The following SLC22A24 variants were observed in gnomAD, a reference collection of about 807,000 sequenced individuals.
SLC22A24 encodes the protein steroid transmembrane transporter SLC22A24.
A neutral mutation model predicts 49.8 loss-of-function variants in SLC22A24; 53 were observed. That is an observed-to-expected ratio of 1.06 (90% CI 0.85 to 1.34). The LOEUF is 1.34. SLC22A24 is among the 40% of genes most tolerant of loss of function. The probability of loss-of-function intolerance (pLI) is 0.00; values close to 1 mark genes in which losing one functional copy is unlikely to be tolerated. For missense variants in SLC22A24, 786 were observed against 675.9 expected (o/e 1.16, Z -1.81); for synonymous variants, 302 against 256.4 (o/e 1.18, Z -1.70).
chr11:63,118,827 C>T (rs183423935), intron 4 of SLC22A24, 85 bp downstream of exon 4: 57 of 1,418,644 alleles, frequency 4.0e-5, no homozygotes, highest in Admixed American at 1.2e-4. Context: ...GGCCAGAGAC[C>T]GAACAGATCC....
intron 5 of SLC22A24, among the ~76,000 whole-genome samples, chr11:63,098,878 G>C (rs1225801688): frequency 1.3e-5 from 2 of 151,848 alleles, no homozygotes; most frequent in Non-Finnish European, 2.9e-5. Flanking sequence ...AAACTTCTAG[G>C]CTAAGAAAAA....
chr11:63,126,826 A>T (rs776493701), intron 2 of SLC22A24, among the ~76,000 whole-genome samples: 2 of 151,952 alleles, frequency 1.3e-5, no homozygotes, highest in Non-Finnish European at 2.9e-5. Flanking sequence ...GTGTCCTCCC[A>T]TTTCTTTGAG....
At chr11:63,125,707 T>C (rs769196042) in intron 2 of SLC22A24, among the ~76,000 whole-genome samples, 4 of 152,322 alleles carry the variant, frequency 2.6e-5, no homozygotes, top group South Asian at 2.1e-4. Context: ...ATATTTCTGG[T>C]TCTAGATCCT....
chr11:63,121,614 A>G (rs998997635), intron 2 of SLC22A24, among the ~76,000 whole-genome samples: 1 of 152,064 alleles, frequency 6.6e-6, no homozygotes, highest in Non-Finnish European at 1.5e-5. Context: ...TGCTTTAAAA[A>G]ATTTTTTATT....
intron 2 of SLC22A24, among the ~76,000 whole-genome samples, chr11:63,129,853 C>T (rs2087320970): frequency 6.6e-6 from 1 of 152,166 alleles, no homozygotes; most frequent in Admixed American, 6.5e-5. Context: ...GCTAAAGTTG[C>T]TTATCAGCTT....
intron 4 of SLC22A24, among the ~76,000 whole-genome samples, chr11:63,105,540 G>A (rs1276252738): frequency 6.6e-6 from 1 of 152,214 alleles, no homozygotes; most frequent in African/African-American, 2.4e-5. Flanking sequence ...AAGCTGCCAA[G>A]GCTTGGGGCT....
At chr11:63,102,766 T>G (rs1480255265) in intron 5 of SLC22A24, among the ~76,000 whole-genome samples, 1 of 152,104 alleles carries the variant, frequency 6.6e-6, no homozygotes, top group Non-Finnish European at 1.5e-5. Context: ...CCAAATTGCT[T>G]TCATTTTCCA....
chr11:63,091,080 C>T (rs2087017730), intron 6 of SLC22A24, among the ~76,000 whole-genome samples: 1 of 150,426 alleles, frequency 6.6e-6, no homozygotes, highest in Middle Eastern at 3.4e-3. Flanking sequence ...GGTATCACCA[C>T]TGATCCCACA....
chr11:63,084,599 AG>A (rs1214589746), intron 6 of SLC22A24, among the ~76,000 whole-genome samples: 2 of 152,132 alleles, frequency 1.3e-5, no homozygotes, highest in East Asian at 3.9e-4. Context: ...ATTTACATAA[AG>A]GCACCCAGGG....
chr11:63,095,784 A>G (rs1185291432), intron 6 of SLC22A24, among the ~76,000 whole-genome samples: 1 of 152,234 alleles, frequency 6.6e-6, no homozygotes, highest in East Asian at 1.9e-4. Flanking sequence ...TGATGCTGAT[A>G]AGTTTTAACT....
chr11:63,108,130 G>A (rs761153057), intron 4 of SLC22A24, among the ~76,000 whole-genome samples: 7 of 152,140 alleles, frequency 4.6e-5, no homozygotes, highest in Admixed American at 2.0e-4. Flanking sequence ...TCTATTGAGA[G>A]TTTTTCGCAT....
rs761433037 is a variant in SLC22A24, at chr11:63,083,266, A to G, written c.1262T>C (p.Leu421Pro). ...ACCTTGGGGCAAAAAGGTGTTGACCAGAATGAAAAGTCCCACCGGGAACGT... is the reference window on the plus strand; with the variant it reads ...ACCTTGGGGCAAAAAGGTGTTGACCGGAATGAAAAGTCCCACCGGGAACGT... ...LFTFPVGLFI[L>P]VNTFLPQEMQ... The change falls in exon 7 of 10, where the codon CTG becomes CCG. Residue 421 changes from leucine to proline, a missense_variant. Leu to Pro is a moderately conservative substitution (Grantham distance 98, BLOSUM62 -3). Transcript: ENST00000612278. 2 of 1,557,844 alleles carry G rather than the reference A, an allele frequency of 1.3e-6. No homozygotes were observed. The highest frequency in any genetic ancestry group is 1.4e-5 in the African/African-American group (1 of 73,674).
intron 1 of SLC22A24, among the ~76,000 whole-genome samples, chr11:63,135,065 A>G (rs1346354957): frequency 6.6e-6 from 1 of 152,166 alleles, no homozygotes; most frequent in African/African-American, 2.4e-5. Context: ...AGTTCCTTTA[A>G]TGCATTACCT....
intron 5 of SLC22A24, among the ~76,000 whole-genome samples, chr11:63,103,500 G>C (rs1167054648): frequency 6.6e-6 from 1 of 152,024 alleles, no homozygotes; most frequent in East Asian, 1.9e-4. Context: ...ACAATACCCT[G>C]GTACACCCTG....
intron 4 of SLC22A24, among the ~76,000 whole-genome samples, chr11:63,106,739 G>A (rs2087124188): frequency 6.6e-6 from 1 of 152,130 alleles, no homozygotes; most frequent in Non-Finnish European, 1.5e-5. Flanking sequence ...TTTGAGAAGT[G>A]TCTGTTCATA....
In SLC22A24 at chr11:63,119,253, G is replaced by A. The variant is rs1455338292; in HGVS notation, c.589C>T (p.Leu197Phe). ...NTCAAFAPTF[L>F]VYCILRFLAG... ...AAGAAGCGCAGTATGCAGTAAACAA[G>A]GAAGGTGGGAGCGAAGGCCGCACAG... Residue 197 changes from leucine to phenylalanine, a missense_variant, in exon 3 of 10, where the codon CTT becomes TTT. Leu to Phe is a conservative substitution (Grantham distance 22, BLOSUM62 0). Coordinates refer to ENST00000612278, the MANE Select transcript of SLC22A24 (RefSeq NM_001136506.2). 5 of 1,551,438 alleles carry A rather than the reference G, an allele frequency of 3.2e-6. No homozygotes were observed. The highest frequency in any genetic ancestry group is 4.4e-6 in the Non-Finnish European group (5 of 1,146,892).
intron 9 of SLC22A24, among the ~76,000 whole-genome samples, chr11:63,080,216 C>T (rs2086951283): frequency 6.6e-6 from 1 of 152,166 alleles, no homozygotes; most frequent in African/African-American, 2.4e-5. Context: ...GATACTCTCA[C>T]CATTGTCTCT....
chr11:63,106,704 T>A (rs1458742825), intron 4 of SLC22A24, among the ~76,000 whole-genome samples: 2 of 12,314 alleles, frequency 1.6e-4, no homozygotes, highest in East Asian at 0.016. Flanking sequence ...TTTTCATGTG[T>A]TTTTTGACTG....
At chr11:63,114,967 G>T (rs2087201292) in intron 4 of SLC22A24, among the ~76,000 whole-genome samples, 2 of 152,194 alleles carry the variant, frequency 1.3e-5, no homozygotes, top group South Asian at 4.1e-4. Context: ...CCTGTATGAG[G>T]TGTCTGTCAG....
Sources: gnomAD v4.1 joint callset for allele counts (sites outside exome capture counted in the v4.1 genomes callset) on GRCh38, gnomAD v4.1.1 for gene constraint, MANE v1.5 for transcripts, NCBI Gene and HGNC (gene_info 2026-07-23, HGNC 2026-07-21) for gene names.